SGIP1: variants seen among roughly 807,000 people sequenced by gnomAD.
The protein encoded by SGIP1 is SH3GL interacting endocytic adaptor 1, also known as SH3-containing GRB2-like protein 3-interacting protein 1.
Under a neutral mutation model 107.5 loss-of-function variants are expected in SGIP1, and 38 were observed. The ratio of observed to expected loss-of-function variants is 0.35; its 90% CI spans 0.27 to 0.46. SGIP1 has a LOEUF of 0.46. Ranked by LOEUF, SGIP1 falls within the 20% of genes least tolerant of loss-of-function variation. SGIP1 has a pLI of 1.00. For synonymous variants in SGIP1, 365 were observed against 366.1 expected (o/e 1.00, Z 0.03); for missense variants, 929 against 1,019.5 (o/e 0.91, Z 1.21).
intron 15 of SGIP1, chr1:66,684,030 G>A (rs1298655336): frequency 1.3e-6 from 2 of 1,531,382 alleles, no homozygotes; most frequent in East Asian, 2.5e-5. Flanking sequence ...AATGCTTTTT[G>A]GCCCTAAATG....
At chr1:66,625,148 G>A (rs564256169) in intron 1 of SGIP1, among the ~76,000 whole-genome samples, 1 of 152,312 alleles carries the variant, frequency 6.6e-6, no homozygotes, top group East Asian at 1.9e-4. Context: ...GGAGCATAGA[G>A]TAGTCAGTGT....
chr1:66,613,192 G>A (rs2068402162), intron 1 of SGIP1, among the ~76,000 whole-genome samples: 1 of 152,106 alleles, frequency 6.6e-6, no homozygotes, highest in African/African-American at 2.4e-5. Context: ...CTATTTCCCT[G>A]AAGTTTTCTG....
upstream of SGIP1, chr1:66,533,617 G>C (rs2052883130): frequency 6.6e-6 from 1 of 152,222 alleles, no homozygotes; most frequent in Non-Finnish European, 1.5e-5. Context: ...GAGAGAGAGA[G>C]AGACGCACAG....
chr1:66,672,060 A>G, intron 11 of SGIP1, 65 bp downstream of exon 11: 1 of 1,481,380 alleles, frequency 6.8e-7, no homozygotes, highest in South Asian at 1.2e-5. Context: ...AATTAAGCAA[A>G]TCTCCTTTGA....
intron 15 of SGIP1, chr1:66,684,221 G>C: frequency 7.1e-6 from 11 of 1,550,330 alleles, no homozygotes; most frequent in Non-Finnish European, 9.6e-6. Flanking sequence ...TTGTTAACCA[G>C]TGTGCTCTCC....
chr1:66,705,750 C>A (rs72920342), intron 18 of SGIP1, among the ~76,000 whole-genome samples: 3,349 of 152,142 alleles, frequency 0.022, 119 homozygotes, highest in African/African-American at 0.078. Context: ...ATAAACACTT[C>A]AAGAAAAGAA....
At chr1:66,642,572 A>G (rs376860745) in intron 5 of SGIP1, among the ~76,000 whole-genome samples, 1 of 152,134 alleles carries the variant, frequency 6.6e-6, no homozygotes, top group African/African-American at 2.4e-5. Flanking sequence ...TTCTGCTTGA[A>G]TGCTTTCTTT....
At chr1:66,583,391 T>G (rs2062088610) in intron 1 of SGIP1, among the ~76,000 whole-genome samples, 1 of 152,134 alleles carries the variant, frequency 6.6e-6, no homozygotes, top group African/African-American at 2.4e-5. Context: ...TAGGCCCCAA[T>G]AACTGCATTG....
chr1:66,680,277 T>C (rs949565095), intron 14 of SGIP1, among the ~76,000 whole-genome samples: 2 of 152,266 alleles, frequency 1.3e-5, no homozygotes, highest in Non-Finnish European at 2.9e-5. Flanking sequence ...TTATGAAATA[T>C]GGCAAGGAAT....
intron 8 of SGIP1, among the ~76,000 whole-genome samples, chr1:66,661,864 TC>T (rs1197496218): frequency 7.2e-5 from 11 of 151,982 alleles, no homozygotes; most frequent in Admixed American, 1.3e-4. Flanking sequence ...TACAAGAATA[TC>T]CCCCCCATCA....
intron 7 of SGIP1, among the ~76,000 whole-genome samples, chr1:66,655,908 C>A (rs551263781): frequency 3.2e-4 from 49 of 151,536 alleles, no homozygotes; most frequent in Non-Finnish European, 5.5e-4. Flanking sequence ...ATAAAATTAG[C>A]CTTATAACTC....
chr1:66,553,234 T>C (rs1005352336), intron 1 of SGIP1, among the ~76,000 whole-genome samples: 2 of 152,078 alleles, frequency 1.3e-5, no homozygotes, highest in African/African-American at 4.8e-5. Context: ...TTTATATGCA[T>C]GCGGGGAACA....
chr1:66,713,746 A>T (rs1478342908), intron 18 of SGIP1, among the ~76,000 whole-genome samples: 1 of 152,120 alleles, frequency 6.6e-6, no homozygotes, highest in East Asian at 1.9e-4. Context: ...ATATTTTAAT[A>T]AATTAATTAT....
At chr1:66,688,419 T>C (rs1025077498) in intron 15 of SGIP1, among the ~76,000 whole-genome samples, 3 of 152,214 alleles carry the variant, frequency 2.0e-5, no homozygotes, top group Non-Finnish European at 2.9e-5. Flanking sequence ...ACGTTTGTCA[T>C]TGACAGCCAG....
chr1:66,540,907 A>G lies in SGIP1; in HGVS notation c.10+6539A>G, dbSNP rs760247202. 2.1e-4 allele frequency among the ~76,000 whole-genome samples: 32 copies of G among 152,198 alleles called. 1 individual carries two copies. Among genetic ancestry groups the G allele is most frequent in the Admixed American group, 3.3e-4 (5 of 15,272 alleles). On this transcript the variant is annotated intron_variant, in intron 1 of 24. Transcript: ENST00000371037. ...CATACCTCTAGAACTTCCAGCTCTA[A>G]CAGTCTCTGGCATTTTCTGAATGAT...
intron 1 of SGIP1, among the ~76,000 whole-genome samples, chr1:66,573,838 T>TCTA (rs2060708746): frequency 6.6e-6 from 1 of 152,026 alleles, no homozygotes; most frequent in African/African-American, 2.4e-5. Flanking sequence ...TGAAAAATAA[T>TCTA]CTGTACAACA....
chr1:66,742,469 T>TTTTTTTTTTTTTTTTTG (rs2094482369), intron 24 of SGIP1, among the ~76,000 whole-genome samples: 1 of 70,654 alleles, frequency 1.4e-5, no homozygotes, highest in East Asian at 2.4e-4. Context: ...TCTTTTTTTT[T>TTTTTTTTTTTTTTTTTG]TTTTTTTTTT....
intron 1 of SGIP1, among the ~76,000 whole-genome samples, chr1:66,542,495 G>T (rs1168331036): frequency 6.6e-6 from 1 of 152,072 alleles, no homozygotes; most frequent in Non-Finnish European, 1.5e-5. Flanking sequence ...TTGAACACAG[G>T]CACTGCGATA....
At chr1:66,706,939 T>A (rs957027397) in intron 18 of SGIP1, among the ~76,000 whole-genome samples, 3 of 152,184 alleles carry the variant, frequency 2.0e-5, no homozygotes, top group Non-Finnish European at 4.4e-5. Flanking sequence ...TTTAAGCATA[T>A]TATTACTTTT....
Sources: allele counts gnomAD v4.1 joint callset (sites outside exome capture counted in the v4.1 genomes callset), GRCh38; gene constraint gnomAD v4.1.1; transcripts MANE v1.5; gene names NCBI Gene and HGNC (gene_info 2026-07-23, HGNC 2026-07-21).